RPTOR: variants seen among roughly 807,000 people sequenced by gnomAD.
RPTOR encodes regulatory associated protein of MTOR complex 1, also known as regulatory-associated protein of mTOR.
In RPTOR, 21 loss-of-function variants were observed where a neutral mutation model predicts 169.9. The observed-to-expected ratio is 0.12, with a 90% CI of 0.09 to 0.18. The LOEUF (loss-of-function observed/expected upper bound fraction) is 0.18. RPTOR is among the 10% of genes least tolerant of loss of function. The pLI, the probability that RPTOR is intolerant of heterozygous loss-of-function variation, is 1.00. For missense variants in RPTOR, 1,133 were observed against 1,855.9 expected (o/e 0.61, Z 7.16); for synonymous variants, 732 against 753.2 (o/e 0.97, Z 0.46).
chr17:80,643,527 G>A lies in RPTOR; in HGVS notation c.266-201G>A, dbSNP rs113715109. Among the ~76,000 whole-genome samples the A allele has an allele frequency of 8.5e-3, 1,300 of 152,292 alleles. 16 individuals carry two copies. Among genetic ancestry groups the A allele is most frequent in the African/African-American group, 0.029 (1,213 of 41,564 alleles). ...CACTTGCCCGTGATGTTAAAACACTGGCCTTCACGGCGTGTCAGCTTGTTT... is the reference window on the plus strand; with the variant it reads ...CACTTGCCCGTGATGTTAAAACACTAGCCTTCACGGCGTGTCAGCTTGTTT... On this transcript the variant is annotated intron_variant, in intron 2 of 33. Coordinates refer to ENST00000306801, the MANE Select transcript of RPTOR (RefSeq NM_020761.3).
intron 2 of RPTOR, among the ~76,000 whole-genome samples, chr17:80,632,291 G>A (rs867537283): frequency 6.6e-6 from 1 of 152,166 alleles, no homozygotes; most frequent in East Asian, 1.9e-4. Flanking sequence ...TAGGCTTTTC[G>A]AACAAGCCTT....
chr17:80,632,895 C>CCTGGGCT (rs2065452904), intron 2 of RPTOR, among the ~76,000 whole-genome samples: 1 of 152,074 alleles, frequency 6.6e-6, no homozygotes, highest in African/African-American at 2.4e-5. Context: ...GCCTCAAACT[C>CCTGGGCT]CTGGGCTCAA....
chr17:80,742,544 T>C (rs1027601734), intron 5 of RPTOR, among the ~76,000 whole-genome samples: 1 of 150,690 alleles, frequency 6.6e-6, no homozygotes, highest in Non-Finnish European at 1.5e-5. Flanking sequence ...ACACGTATAC[T>C]CACCTACATT....
chr17:80,885,465 G>A (rs2143846032), intron 17 of RPTOR, among the ~76,000 whole-genome samples: 1 of 140,128 alleles, frequency 7.1e-6, no homozygotes, highest in East Asian at 2.1e-4. Context: ...ACAGATGGCG[G>A]GAAGGTTTGT....
At chr17:80,829,619 C>G (rs2067481456) in intron 9 of RPTOR, among the ~76,000 whole-genome samples, 1 of 152,160 alleles carries the variant, frequency 6.6e-6, no homozygotes. Flanking sequence ...GGTGCCTCGG[C>G]TCCCAGCATG....
intron 2 of RPTOR, among the ~76,000 whole-genome samples, chr17:80,630,687 T>G (rs62068343): frequency 6.6e-6 from 1 of 152,224 alleles, no homozygotes; most frequent in Non-Finnish European, 1.5e-5. Flanking sequence ...ATTGAATTGC[T>G]GAGTGCTACG....
rs74624263 is a variant in RPTOR at position 80,702,889 on chromosome 17, G to A, written c.349-4952G>A. The stretch of plus-strand genomic sequence containing the variant: ...TGGAGCTGTGACTTCAGCAATCCTA[G>A]TTCGATAGCTGTGTTGAGGAGAGTA... On this transcript the variant is annotated intron_variant, in intron 3 of 33. Coordinates refer to ENST00000306801, the MANE Select transcript of RPTOR (RefSeq NM_020761.3). Among the ~76,000 whole-genome samples, 261 of 152,308 alleles carry A rather than the reference G, an allele frequency of 1.7e-3. 1 individual carries two copies. Among genetic ancestry groups the A allele is most frequent in the African/African-American group, 6.1e-3 (253 of 41,570 alleles).
At position 80,923,687 on chromosome 17, in the gene RPTOR, G is replaced by A. The variant is rs2068774966; in HGVS notation, c.2808+14G>A. On this transcript the variant is annotated intron_variant, in intron 23 of 33. Transcript: ENST00000306801. Reference sequence around the variant, plus strand: ...GGCCCAGAGCAGGTACGGGAGCCCGGCTGCCTGGTGATCTGGACACTGAGA... The same window carrying A: ...GGCCCAGAGCAGGTACGGGAGCCCGACTGCCTGGTGATCTGGACACTGAGA... 2 of 1,567,066 alleles carry A rather than the reference G, an allele frequency of 1.3e-6. No homozygotes were observed. Among genetic ancestry groups the A allele is most frequent in the Admixed American group, 1.8e-5 (1 of 56,054 alleles).
At chr17:80,780,481 T>G (rs1192691408) in intron 6 of RPTOR, among the ~76,000 whole-genome samples, 1 of 152,154 alleles carries the variant, frequency 6.6e-6, no homozygotes, top group Non-Finnish European at 1.5e-5. Flanking sequence ...TCATCTGTCC[T>G]GAAAAACAGT....
intron 3 of RPTOR, among the ~76,000 whole-genome samples, chr17:80,664,162 C>G (rs182603089): frequency 2.0e-5 from 3 of 152,142 alleles, no homozygotes; most frequent in Non-Finnish European, 4.4e-5. Context: ...GGCTGTGGAG[C>G]GCCCTGTTGC....
chr17:80,942,795 TC>T (rs1352554164), intron 25 of RPTOR, among the ~76,000 whole-genome samples: 1 of 152,202 alleles, frequency 6.6e-6, no homozygotes, highest in Non-Finnish European at 1.5e-5. Flanking sequence ...TCTTCAGCCT[TC>T]TCCTGGGCAA....
chr17:80,863,329 C>T (rs943800312), intron 13 of RPTOR, among the ~76,000 whole-genome samples: 1 of 152,168 alleles, frequency 6.6e-6, no homozygotes, highest in Non-Finnish European at 1.5e-5. Flanking sequence ...GGTTACACTC[C>T]ACTTCACACT....
intron 17 of RPTOR, among the ~76,000 whole-genome samples, chr17:80,887,483 G>A (rs1402610560): frequency 6.6e-6 from 1 of 152,150 alleles, no homozygotes; most frequent in African/African-American, 2.4e-5. Flanking sequence ...CCATGGGCAG[G>A]CACGGTGCTC....
intron 3 of RPTOR, among the ~76,000 whole-genome samples, chr17:80,682,091 G>T (rs2065903167): frequency 6.9e-6 from 1 of 144,870 alleles, no homozygotes; most frequent in African/African-American, 2.6e-5. Flanking sequence ...CTCATGTGGT[G>T]AAAGATGTGA....
At chr17:80,949,710 G>C (rs1402641852) in intron 28 of RPTOR, among the ~76,000 whole-genome samples, 163 bp downstream of exon 28, 1 of 152,212 alleles carries the variant, frequency 6.6e-6, no homozygotes, top group Non-Finnish European at 1.5e-5. Context: ...CCGAAAGCGT[G>C]AGAGCCCCAG....
intron 3 of RPTOR, among the ~76,000 whole-genome samples, chr17:80,648,929 T>C (rs991190815): frequency 1.3e-5 from 2 of 152,190 alleles, no homozygotes; most frequent in African/African-American, 4.8e-5. Context: ...CCACCATCCA[T>C]GTAAGATGTG....
chr17:80,553,280 G>GC (rs2084367229), intron 1 of RPTOR, among the ~76,000 whole-genome samples: 1 of 152,212 alleles, frequency 6.6e-6, no homozygotes, highest in Non-Finnish European at 1.5e-5. Context: ...TGGAGGAGGA[G>GC]CATCTGCTGC....
chr17:80,943,162 G>T (rs1386485924), intron 25 of RPTOR, among the ~76,000 whole-genome samples: 1 of 152,226 alleles, frequency 6.6e-6, no homozygotes, highest in African/African-American at 2.4e-5. Context: ...CGTGGCCCTG[G>T]TGCCACCTGG....
chr17:80,854,262 C>T (rs1295392916), intron 11 of RPTOR, among the ~76,000 whole-genome samples: 1 of 152,216 alleles, frequency 6.6e-6, no homozygotes, highest in African/African-American at 2.4e-5. Flanking sequence ...TATTGTCCCA[C>T]AAGCTTTAAA....
Sources: gnomAD v4.1 joint callset for allele counts (sites outside exome capture counted in the v4.1 genomes callset) on GRCh38, gnomAD v4.1.1 for gene constraint, MANE v1.5 for transcripts, NCBI Gene and HGNC (gene_info 2026-07-23, HGNC 2026-07-21) for gene names.